NFIA: variants seen among roughly 807,000 people sequenced by gnomAD.
NFIA encodes the protein nuclear factor 1 A-type.
A neutral mutation model predicts 62.8 loss-of-function variants in NFIA; 8 were observed. The observed-to-expected ratio is 0.13, with a 90% confidence interval of 0.07 to 0.23. The LOEUF is 0.23. Ranked by LOEUF, NFIA falls within the 10% of genes least tolerant of loss-of-function variation. The probability of loss-of-function intolerance (pLI) is 1.00; values close to 1 mark genes in which losing one functional copy is unlikely to be tolerated. For synonymous variants in NFIA, 235 were observed against 238.1 expected (o/e 0.99, Z 0.12); for missense variants, 410 against 642.1 (o/e 0.64, Z 3.91).
At chr1:61,117,681 C>T (rs1646815107) in intron 2 of NFIA, among the ~76,000 whole-genome samples, 1 of 152,122 alleles carries the variant, frequency 6.6e-6, no homozygotes, top group East Asian at 1.9e-4. Flanking sequence ...ATAATCGTTG[C>T]TTGATAATTT....
At chr1:61,424,988 G>A (rs1666802129) in intron 9 of NFIA, among the ~76,000 whole-genome samples, 1 of 152,196 alleles carries the variant, frequency 6.6e-6, no homozygotes, top group Non-Finnish European at 1.5e-5. Flanking sequence ...TAGACAGTAT[G>A]ACATATCATA....
intron 2 of NFIA, among the ~76,000 whole-genome samples, chr1:61,105,000 A>G (rs1646571369): frequency 6.6e-6 from 1 of 152,016 alleles, no homozygotes; most frequent in Admixed American, 6.6e-5. Context: ...TCAATGCTGC[A>G]GAGAAAATAG....
chr1:61,221,238 T>C (rs1242429964), intron 2 of NFIA, among the ~76,000 whole-genome samples: 2 of 152,138 alleles, frequency 1.3e-5, no homozygotes, highest in Non-Finnish European at 2.9e-5. Context: ...TTAATAAGAT[T>C]ACTATTATTA....
chr1:61,397,597 A>C (rs985766581), intron 7 of NFIA, among the ~76,000 whole-genome samples: 5 of 152,190 alleles, frequency 3.3e-5, no homozygotes, highest in African/African-American at 9.7e-5. Flanking sequence ...GTGTGATCAG[A>C]AACTGTGCCG....
In NFIA at chr1:61,427,133, C is replaced by A. The variant is rs557246996; in HGVS notation, c.1512+577C>A. On this transcript the variant is annotated intron_variant, in intron 10 of 10. Transcript: ENST00000403491. ...TGGGTGGCAAGGGGTGTGTATGAGT[C>A]ATATCTGAAGCAGGTGATTGAGAGA... is the stretch of plus-strand genomic sequence containing the variant. Among the ~76,000 whole-genome samples the A allele has an allele frequency of 9.6e-4, 146 of 152,206 alleles. 1 individual carries two copies. The highest frequency in any genetic ancestry group is 3.3e-3 in the African/African-American group (136 of 41,522).
intron 2 of NFIA, 138 bp from the exon 3 acceptor site, chr1:61,277,382 T>G: frequency 1.3e-6 from 1 of 769,904 alleles, no homozygotes. Flanking sequence ...CATCTTTTCT[T>G]TTTTTCATGT....
intron 1 of NFIA, among the ~76,000 whole-genome samples, chr1:61,084,364 G>C (rs924560868): frequency 1.3e-5 from 2 of 151,444 alleles, no homozygotes; most frequent in East Asian, 3.9e-4. Context: ...GAAATGGTCT[G>C]TTTGGGATTT....
intron 7 of NFIA, among the ~76,000 whole-genome samples, chr1:61,391,441 C>T (rs1402163364): frequency 1.3e-5 from 1 of 79,692 alleles, no homozygotes; most frequent in East Asian, 3.1e-4. Flanking sequence ...ATCAAACACA[C>T]ACACACACAC....
intron 2 of NFIA, among the ~76,000 whole-genome samples, chr1:61,239,910 C>A (rs1216849821): frequency 1.3e-5 from 2 of 152,148 alleles, no homozygotes; most frequent in East Asian, 3.9e-4. Flanking sequence ...TCATGTCTTT[C>A]ATTACTGTGC....
At position 61,407,819 on chromosome 1, in the gene NFIA, G is replaced by A. The variant is rs116160117; in HGVS notation, c.1420+1092G>A. 3.1e-3 allele frequency among the ~76,000 whole-genome samples: 466 copies of A among 152,292 alleles called. 1 individual carries two copies. The highest frequency in any genetic ancestry group is 0.011 in the African/African-American group (444 of 41,566). ...CACAGTAATAGGTGTAGAATGGAACGGGACATGGTGGGGAGTGTTTTGTAG... is the reference window on the plus strand; with the variant it reads ...CACAGTAATAGGTGTAGAATGGAACAGGACATGGTGGGGAGTGTTTTGTAG... On this transcript the variant is annotated intron_variant, in intron 9 of 10. Coordinates refer to ENST00000403491, the MANE Select transcript of NFIA (RefSeq NM_001134673.4).
At chr1:61,269,304 A>G (rs1378865680) in intron 2 of NFIA, among the ~76,000 whole-genome samples, 1 of 152,060 alleles carries the variant, frequency 6.6e-6, no homozygotes, top group Non-Finnish European at 1.5e-5. Flanking sequence ...AATACTTTCT[A>G]TTATGATAGA....
intron 3 of NFIA, among the ~76,000 whole-genome samples, chr1:61,329,886 G>A (rs1269112446): frequency 1.3e-5 from 2 of 152,198 alleles, no homozygotes; most frequent in African/African-American, 2.4e-5. Flanking sequence ...AGACAGCACA[G>A]TTAGGAGGCT....
intron 1 of NFIA, among the ~76,000 whole-genome samples, chr1:61,084,060 C>T (rs1391371889): frequency 1.3e-5 from 2 of 152,132 alleles, no homozygotes; most frequent in Non-Finnish European, 1.5e-5. Context: ...AGATTTCATA[C>T]TGCTTTGGTA....
chr1:61,084,426 T>G (rs1050507630), intron 1 of NFIA, among the ~76,000 whole-genome samples: 7 of 152,086 alleles, frequency 4.6e-5, no homozygotes, highest in Non-Finnish European at 8.8e-5. Context: ...TGTAAAAGTT[T>G]TTTTTTTTTT....
intron 3 of NFIA, among the ~76,000 whole-genome samples, chr1:61,329,206 C>T (rs1324578795): frequency 1.6e-4 from 24 of 150,330 alleles, no homozygotes; most frequent in Admixed American, 8.0e-4. Flanking sequence ...CGCCACCATG[C>T]CTAGCTAATT....
At chr1:61,241,379 A>C (rs935857319) in intron 2 of NFIA, among the ~76,000 whole-genome samples, 2 of 152,158 alleles carry the variant, frequency 1.3e-5, no homozygotes, top group African/African-American at 4.8e-5. Flanking sequence ...GGAAATTGGG[A>C]TATCATTACC....
chr1:61,120,246 C>T (rs1446628724), intron 2 of NFIA, among the ~76,000 whole-genome samples: 2 of 152,146 alleles, frequency 1.3e-5, no homozygotes, highest in African/African-American at 4.8e-5. Context: ...TATCAACATC[C>T]TAATAAAATA....
intron 3 of NFIA, among the ~76,000 whole-genome samples, chr1:61,278,798 G>A (rs912315732): frequency 1.3e-5 from 2 of 151,718 alleles, no homozygotes; most frequent in African/African-American, 2.4e-5. Flanking sequence ...CAGGGGAGGC[G>A]GGGCGGCGGA....
At chr1:61,266,429 G>C (rs774700618) in intron 2 of NFIA, among the ~76,000 whole-genome samples, 1 of 151,304 alleles carries the variant, frequency 6.6e-6, no homozygotes, top group South Asian at 2.1e-4. Flanking sequence ...TCCCAGGCTG[G>C]AGTGCAGTGG....
Sources: allele counts gnomAD v4.1 joint callset (sites outside exome capture counted in the v4.1 genomes callset), GRCh38; gene constraint gnomAD v4.1.1; transcripts MANE v1.5; gene names NCBI Gene and HGNC (gene_info 2026-07-23, HGNC 2026-07-21).